Variants in CCDC30 observed in about 807,000 individuals in gnomAD.
The protein encoded by CCDC30 is coiled-coil domain-containing protein 30.
CCDC30 carries 70 observed loss-of-function variants against 100.2 expected under a neutral mutation model. The observed-to-expected ratio is 0.70, with a 90% confidence interval of 0.58 to 0.85. CCDC30 has a LOEUF of 0.85. CCDC30 is among the 40% of genes least tolerant of loss of function. The pLI is 0.00. For missense variants in CCDC30, 652 were observed against 771.2 expected (o/e 0.85, Z 1.83); for synonymous variants, 233 against 269.5 (o/e 0.86, Z 1.33).
chr1:42,522,071 A>C (rs1644656909), intron 6 of CCDC30, among the ~76,000 whole-genome samples: 3 of 152,206 alleles, frequency 2.0e-5, no homozygotes, highest in Non-Finnish European at 4.4e-5. Flanking sequence ...GAACTTATGC[A>C]CATTCTCCCA....
chr1:42,636,919 T>A (rs1179175487), intron 11 of CCDC30, among the ~76,000 whole-genome samples: 2 of 121,928 alleles, frequency 1.6e-5, no homozygotes, highest in Non-Finnish European at 3.1e-5. Flanking sequence ...TGAGCTGAGA[T>A]CCTGCCATTG....
chr1:42,603,300 C>G (rs1425775804), intron 10 of CCDC30, among the ~76,000 whole-genome samples: 3 of 151,984 alleles, frequency 2.0e-5, no homozygotes, highest in Non-Finnish European at 4.4e-5. Flanking sequence ...AACTGGGAGC[C>G]CTTTTATAAG....
chr1:42,633,639 G>T (rs1377529538), intron 11 of CCDC30, among the ~76,000 whole-genome samples: 3 of 152,082 alleles, frequency 2.0e-5, no homozygotes, highest in Non-Finnish European at 2.9e-5. Context: ...GCCAGTCTCC[G>T]TGTCTCATAT....
chr1:42,571,351 A>C (rs1171658742), intron 7 of CCDC30: 1 of 152,014 alleles, frequency 6.6e-6, no homozygotes, highest in Non-Finnish European at 1.5e-5. Context: ...TCATAGTAAG[A>C]TTGTTCTTGA....
chr1:42,615,627 C>T (rs555352090), intron 11 of CCDC30, among the ~76,000 whole-genome samples: 9 of 152,100 alleles, frequency 5.9e-5, no homozygotes, highest in Middle Eastern at 6.8e-3. Context: ...AAAAACCCTA[C>T]GATTCTAAAT....
intron 3 of CCDC30, among the ~76,000 whole-genome samples, chr1:42,488,700 A>T (rs1049606371): frequency 3.3e-5 from 5 of 152,220 alleles, no homozygotes; most frequent in Admixed American, 2.6e-4. Context: ...TATTATCTAA[A>T]TTTGGAGCAA....
intron 9 of CCDC30, among the ~76,000 whole-genome samples, chr1:42,586,925 A>G (rs561463492): frequency 1.3e-5 from 2 of 152,192 alleles, no homozygotes; most frequent in Admixed American, 1.3e-4. Context: ...TTAGTCTTTT[A>G]TTTTTCAAAC....
chr1:42,485,246 C>T (rs1644031300), intron 3 of CCDC30, among the ~76,000 whole-genome samples: 1 of 152,054 alleles, frequency 6.6e-6, no homozygotes, highest in African/African-American at 2.4e-5. Flanking sequence ...ACAAGGAAAA[C>T]ATCTTCATGA....
intron 6 of CCDC30, among the ~76,000 whole-genome samples, chr1:42,503,136 G>C (rs1196051960): frequency 6.6e-6 from 1 of 152,098 alleles, no homozygotes; most frequent in Non-Finnish European, 1.5e-5. Flanking sequence ...CATTCCACTT[G>C]GCCTCCCAAA....
chr1:42,472,258 A>T (rs898185857), intron 1 of CCDC30, among the ~76,000 whole-genome samples: 1 of 152,042 alleles, frequency 6.6e-6, no homozygotes, highest in Non-Finnish European at 1.5e-5. Flanking sequence ...ATCTCAAAGA[A>T]AAAAAAATAG....
chr1:42,577,072 T>G (rs1645854139), exon 8 of CCDC30: 1 of 1,614,020 alleles, frequency 6.2e-7, no homozygotes, highest in Non-Finnish European at 8.5e-7. Context: ...AGCACAAAGA[T>G]GTGCTCTTCA....
At chr1:42,506,025 G>A (rs1401179274) in intron 6 of CCDC30, among the ~76,000 whole-genome samples, 6 of 152,218 alleles carry the variant, frequency 3.9e-5, no homozygotes, top group Non-Finnish European at 1.5e-5. Flanking sequence ...ATTGCCATAA[G>A]TTAAGAATAC....
chr1:42,588,409 G>A (rs1646119669), intron 9 of CCDC30, among the ~76,000 whole-genome samples: 1 of 152,138 alleles, frequency 6.6e-6, no homozygotes, highest in South Asian at 2.1e-4. Flanking sequence ...GTGGGGTGGG[G>A]AAAATCAAGT....
chr1:42,628,472 G>A (rs1646972602), intron 11 of CCDC30, among the ~76,000 whole-genome samples: 1 of 152,138 alleles, frequency 6.6e-6, no homozygotes, highest in Non-Finnish European at 1.5e-5. Flanking sequence ...GAGATTTGGA[G>A]GGGCCGGGGC....
chr1:42,645,930 T>C (rs1211323666), intron 14 of CCDC30, among the ~76,000 whole-genome samples: 1 of 152,206 alleles, frequency 6.6e-6, no homozygotes, highest in African/African-American at 2.4e-5. Context: ...GTATTACAAG[T>C]GCTGAGTTAG....
At chr1:42,459,579 T>G, upstream of CCDC30, 1 of 1,595,948 alleles carries the variant, frequency 6.3e-7, no homozygotes, top group Non-Finnish European at 8.6e-7. Flanking sequence ...GTTTGCTTAT[T>G]AAGCTTTTCT....
At chr1:42,656,212 T>C (rs1169749162), downstream of CCDC30, among the ~76,000 whole-genome samples, 5 of 152,164 alleles carry the variant, frequency 3.3e-5, no homozygotes, top group Non-Finnish European at 1.5e-5. Flanking sequence ...GTGTTGAAGG[T>C]CTTTGTGCAT....
intron 11 of CCDC30, among the ~76,000 whole-genome samples, chr1:42,614,787 GAA>G (rs199699271): frequency 1.5e-5 from 2 of 133,450 alleles, no homozygotes. Context: ...ACTCCATCTC[GAA>G]AAAAAAAAAA....
At chr1:42,473,375 T>C (rs1013532681) in intron 1 of CCDC30, 1 of 873,706 alleles carries the variant, frequency 1.1e-6, no homozygotes, top group Non-Finnish European at 1.5e-6. Context: ...AATTGACATA[T>C]TAAAAACTAA....
Sources: allele counts gnomAD v4.1 joint callset (sites outside exome capture counted in the v4.1 genomes callset), GRCh38; gene constraint gnomAD v4.1.1; transcripts MANE v1.5; gene names NCBI Gene and HGNC (gene_info 2026-07-23, HGNC 2026-07-21).